The following CTNNA2 variants were observed in gnomAD, a reference collection of about 807,000 sequenced individuals.
The protein encoded by CTNNA2 is catenin alpha 2, also known as catenin alpha-2.
Under a neutral mutation model 101.0 loss-of-function variants are expected in CTNNA2, and 42 were observed. The observed-to-expected ratio is 0.42, with a 90% CI of 0.32 to 0.54. The LOEUF is 0.54. Ranked by LOEUF, CTNNA2 falls within the 20% of genes least tolerant of loss-of-function variation. The probability of loss-of-function intolerance (pLI) is 0.14; values close to 1 mark genes in which losing one functional copy is unlikely to be tolerated. For missense variants in CTNNA2, 871 were observed against 1,223.1 expected, an observed-to-expected ratio of 0.71 and a Z score of 4.29; for synonymous variants, 450 against 456.4, an observed-to-expected ratio of 0.99 and a Z score of 0.18.
chr2:80,641,379 T>C (rs180993375), intron 18 of CTNNA2, among the ~76,000 whole-genome samples: 2 of 152,250 alleles, frequency 1.3e-5, no homozygotes, highest in East Asian at 3.9e-4. Context: ...ATCAGCTTTT[T>C]TGAAAAAAGA....
chr2:79,426,942 T>C (rs893199363), intron 4 of CTNNA2, among the ~76,000 whole-genome samples: 4 of 152,128 alleles, frequency 2.6e-5, no homozygotes, highest in Non-Finnish European at 5.9e-5. Flanking sequence ...AGAAGATTCA[T>C]ATGAAGTGGT....
chr2:80,118,925 T>A (rs185962952), intron 7 of CTNNA2, among the ~76,000 whole-genome samples: 30 of 152,372 alleles, frequency 2.0e-4, no homozygotes, highest in Non-Finnish European at 7.3e-5. Context: ...ATCTCACCTA[T>A]CTCTTCTGTC....
At chr2:80,163,215 A>G in intron 7 of CTNNA2, 1 of 1,014,898 alleles carries the variant, frequency 9.9e-7, no homozygotes, top group Non-Finnish European at 1.5e-6. Flanking sequence ...ACAAAGAACT[A>G]GCTTATTATT....
chr2:79,794,254 T>A (rs557537228), intron 3 of CTNNA2, among the ~76,000 whole-genome samples: 1 of 152,358 alleles, frequency 6.6e-6, no homozygotes, highest in East Asian at 1.9e-4. Context: ...TGGTATTTCA[T>A]CATGGCTTTA....
In CTNNA2 at chr2:79,590,491, T is replaced by C. The variant is rs190689589; in HGVS notation, c.-5-61061T>C. Among the ~76,000 whole-genome samples the C allele has an allele frequency of 5.3e-5, 8 of 152,366 alleles. No individual in the cohort carries two copies. The East Asian group carries it at 1.5e-3, about 29-fold the overall frequency. The stretch of plus-strand genomic sequence containing the variant: ...GATAAAGTATTGATATGGAGAACTT[T>C]GCTTGCTGAAGGAATGACAGGGTTA... On this transcript the variant is annotated intron_variant, in intron 1 of 18. Coordinates refer to ENST00000402739, the MANE Select transcript of CTNNA2 (RefSeq NM_001282597.3).
At chr2:79,275,457 C>T (rs1159601126) in intron 2 of CTNNA2, among the ~76,000 whole-genome samples, 1 of 151,996 alleles carries the variant, frequency 6.6e-6, no homozygotes, top group Non-Finnish European at 1.5e-5. Context: ...CTGCCAGGCT[C>T]AGATGTCAAG....
intron 7 of CTNNA2, among the ~76,000 whole-genome samples, chr2:80,187,108 C>T (rs1023051970): frequency 1.3e-5 from 2 of 152,162 alleles, no homozygotes; most frequent in East Asian, 1.9e-4. Context: ...GCCCATTCTG[C>T]AATTGGTATT....
Position 80,344,359 on chromosome 2 carries a change from A to G in CTNNA2, c.1057-48852A>G, listed in dbSNP as rs116227376. The stretch of plus-strand genomic sequence containing the variant: ...TCTTCTCCAGGGTCAGGGTTTAAAT[A>G]TCATCTTTTTGTTGCTGACTCCCAA... On this transcript the variant is annotated intron_variant, in intron 7 of 18. Coordinates refer to ENST00000402739, the MANE Select transcript of CTNNA2 (RefSeq NM_001282597.3). Among the ~76,000 whole-genome samples the G allele has an allele frequency of 8.4e-3, 1,281 of 152,202 alleles. 16 individuals carry two copies. Among genetic ancestry groups the G allele is most frequent in the African/African-American group, 0.028 (1,182 of 41,522 alleles).
chr2:80,454,069 GA>G (rs1683755769), intron 9 of CTNNA2, among the ~76,000 whole-genome samples: 1 of 152,142 alleles, frequency 6.6e-6, no homozygotes, highest in Non-Finnish European at 1.5e-5. Context: ...GAGGGAGAAA[GA>G]AAAACATTTC....
chr2:79,643,782 A>C (rs1680612117), intron 1 of CTNNA2, among the ~76,000 whole-genome samples: 1 of 152,044 alleles, frequency 6.6e-6, no homozygotes, highest in South Asian at 2.1e-4. Context: ...CTGGTGACTG[A>C]ATTCAGTTCC....
intron 1 of CTNNA2, among the ~76,000 whole-genome samples, chr2:79,571,046 C>T (rs1376528489): frequency 6.6e-6 from 1 of 152,134 alleles, no homozygotes; most frequent in East Asian, 1.9e-4. Flanking sequence ...AATTTGTTTT[C>T]TTCTGAACTA....
At chr2:80,159,868 T>A (rs1349515930) in intron 7 of CTNNA2, among the ~76,000 whole-genome samples, 1 of 152,218 alleles carries the variant, frequency 6.6e-6, no homozygotes, top group Non-Finnish European at 1.5e-5. Context: ...TCTCATAGAT[T>A]GTGTTTTTGG....
chr2:80,370,901 A>G (rs1326697705), intron 7 of CTNNA2, among the ~76,000 whole-genome samples: 1 of 152,222 alleles, frequency 6.6e-6, no homozygotes, highest in African/African-American at 2.4e-5. Context: ...TGAAGACCCA[A>G]TGAAATAAGT....
intron 7 of CTNNA2, among the ~76,000 whole-genome samples, chr2:80,140,680 C>A (rs1180118486): frequency 6.6e-6 from 1 of 152,122 alleles, no homozygotes; most frequent in Admixed American, 6.6e-5. Context: ...AATCTCATGC[C>A]ATCCAACACA....
At chr2:80,227,998 A>T (rs748955154) in intron 7 of CTNNA2, among the ~76,000 whole-genome samples, 4 of 152,140 alleles carry the variant, frequency 2.6e-5, no homozygotes, top group East Asian at 1.9e-4. Flanking sequence ...GCCCTTTGAT[A>T]TGTGGCTGGT....
chr2:79,968,727 C>T (rs960629300), intron 7 of CTNNA2, among the ~76,000 whole-genome samples: 17 of 152,044 alleles, frequency 1.1e-4, no homozygotes, highest in African/African-American at 4.1e-4. Context: ...ACCTGTTTGA[C>T]AAAAATTCCA....
chr2:79,906,307 C>G (rs113392965), intron 6 of CTNNA2, among the ~76,000 whole-genome samples: 1 of 152,100 alleles, frequency 6.6e-6, no homozygotes, highest in African/African-American at 2.4e-5. Context: ...CACACACACA[C>G]ACACAGACAC....
At chr2:79,715,923 C>CGTATCAA (rs1558866337) in intron 2 of CTNNA2, among the ~76,000 whole-genome samples, 2 of 151,876 alleles carry the variant, frequency 1.3e-5, no homozygotes, top group Non-Finnish European at 2.9e-5. Flanking sequence ...TTACATCCAA[C>CGTATCAA]GTATCAATGC....
At chr2:79,398,129 G>T (rs1678252070) in intron 4 of CTNNA2, among the ~76,000 whole-genome samples, 1 of 152,074 alleles carries the variant, frequency 6.6e-6, no homozygotes, top group Non-Finnish European at 1.5e-5. Context: ...ATGAAAATAA[G>T]GTTAAGAGAA....
Sources: gnomAD v4.1 joint callset for allele counts (sites outside exome capture counted in the v4.1 genomes callset) on GRCh38, gnomAD v4.1.1 for gene constraint, MANE v1.5 for transcripts, NCBI Gene and HGNC (gene_info 2026-07-23, HGNC 2026-07-21) for gene names.